The following PACRG variants were observed in gnomAD, a reference collection of about 807,000 sequenced individuals.
The protein encoded by PACRG is parkin coregulated gene protein.
PACRG carries 29 observed loss-of-function variants against 29.7 expected under a neutral mutation model. The observed-to-expected ratio is 0.98, with a 90% CI of 0.73 to 1.33. PACRG has a LOEUF of 1.33. PACRG is among the 40% of genes most tolerant of loss of function. The probability of loss-of-function intolerance (pLI) is 0.00; values close to 1 mark genes in which losing one functional copy is unlikely to be tolerated. For synonymous variants in PACRG, 116 were observed against 118.7 expected, an observed-to-expected ratio of 0.98 and a Z score of 0.15; for missense variants, 279 against 316.2, an observed-to-expected ratio of 0.88 and a Z score of 0.89.
chr6:162,804,355 A>C (rs1449673929), intron 1 of PACRG, among the ~76,000 whole-genome samples: 3 of 152,190 alleles, frequency 2.0e-5, no homozygotes, highest in African/African-American at 7.2e-5. Flanking sequence ...TTTTTGCTTG[A>C]ATTTAATAAT....
chr6:162,826,333 A>G (rs1788273061), intron 2 of PACRG, among the ~76,000 whole-genome samples: 1 of 152,100 alleles, frequency 6.6e-6, no homozygotes, highest in Non-Finnish European at 1.5e-5. Context: ...TTTTGTGCCA[A>G]CCCACAACTC....
chr6:163,206,505 A>G (rs1296386515), intron 4 of PACRG, among the ~76,000 whole-genome samples: 1 of 152,084 alleles, frequency 6.6e-6, no homozygotes, highest in Non-Finnish European at 1.5e-5. Context: ...AAACAAGAAC[A>G]CATAGACACA....
intron 4 of PACRG, among the ~76,000 whole-genome samples, chr6:163,261,774 A>G (rs1192872787): frequency 6.6e-6 from 1 of 152,226 alleles, no homozygotes; most frequent in Non-Finnish European, 1.5e-5. Flanking sequence ...ACAACTATTT[A>G]CATAGCCTTA....
intron 1 of PACRG, among the ~76,000 whole-genome samples, chr6:162,785,202 G>GA (rs1491346817): frequency 1.3e-3 from 195 of 146,500 alleles, no homozygotes; most frequent in African/African-American, 4.8e-3. Flanking sequence ...GAGAGAGAGA[G>GA]GGAGAGAAAG....
intron 1 of PACRG, among the ~76,000 whole-genome samples, chr6:162,802,285 A>G: frequency 6.6e-6 from 1 of 152,186 alleles, no homozygotes; most frequent in East Asian, 1.9e-4. Flanking sequence ...GATATAGGTA[A>G]AAGTCTAATT....
intron 2 of PACRG, among the ~76,000 whole-genome samples, chr6:162,880,447 A>G (rs1037022207): frequency 3.9e-5 from 6 of 152,214 alleles, no homozygotes; most frequent in Non-Finnish European, 1.5e-5. Flanking sequence ...CAAAGGAACA[A>G]CAACAACAAA....
intron 2 of PACRG, among the ~76,000 whole-genome samples, chr6:162,855,824 T>A (rs1469732879): frequency 6.6e-6 from 1 of 152,178 alleles, no homozygotes; most frequent in East Asian, 1.9e-4. Flanking sequence ...CAGTGGACAC[T>A]GGGTGGGAGA....
Position 162,980,540 on chromosome 6 carries a change from T to C in PACRG, c.292-81610T>C, listed in dbSNP as rs1170173696. 7.9e-5 allele frequency among the ~76,000 whole-genome samples: 12 copies of C among 152,170 alleles called. No individual in the cohort carries two copies. In the South Asian group the frequency reaches 1.0e-3, roughly 13 times the overall value. ...CTCTTGTTTTTGGCATTTGTTGGCTTTTTTGCTTAGAATTTCCAAGTATGT... is the reference window on the plus strand; with the variant it reads ...CTCTTGTTTTTGGCATTTGTTGGCTCTTTTGCTTAGAATTTCCAAGTATGT... On this transcript the variant is annotated intron_variant, in intron 2 of 4. Transcript: ENST00000366888.
At chr6:163,213,580 G>A (rs766991594) in intron 4 of PACRG, among the ~76,000 whole-genome samples, 15 of 152,064 alleles carry the variant, frequency 9.9e-5, no homozygotes, top group Non-Finnish European at 1.5e-4. Flanking sequence ...GATAAATGAA[G>A]TTTAGTATCT....
At chr6:162,771,932 C>T (rs1783252567) in intron 1 of PACRG, among the ~76,000 whole-genome samples, 1 of 152,100 alleles carries the variant, frequency 6.6e-6, no homozygotes, top group Non-Finnish European at 1.5e-5. Flanking sequence ...CAAATGACTA[C>T]ATTTCCAAGC....
intron 4 of PACRG, among the ~76,000 whole-genome samples, chr6:163,257,469 A>G (rs748783461): frequency 1.1e-4 from 17 of 152,222 alleles, no homozygotes; most frequent in Non-Finnish European, 1.9e-4. Flanking sequence ...AGGAGCCGTT[A>G]TTCAGAAGGT....
intron 4 of PACRG, among the ~76,000 whole-genome samples, chr6:163,156,025 C>T (rs945255653): frequency 2.0e-5 from 3 of 152,208 alleles, no homozygotes; most frequent in Admixed American, 6.5e-5. Flanking sequence ...CGAGACAGGC[C>T]GAGGGGCCCT....
At chr6:163,091,487 T>C (rs192637869) in intron 4 of PACRG, among the ~76,000 whole-genome samples, 1 of 152,366 alleles carries the variant, frequency 6.6e-6, no homozygotes, top group East Asian at 1.9e-4. Context: ...GGAGTCTTTC[T>C]AAATGCATGC....
intron 4 of PACRG, among the ~76,000 whole-genome samples, chr6:163,147,740 C>T (rs1038638430): frequency 2.0e-5 from 3 of 152,116 alleles, no homozygotes; most frequent in East Asian, 1.9e-4. Flanking sequence ...GAGTTTTGTT[C>T]GCCTAGACCT....
At chr6:163,197,772 A>G (rs769626356) in intron 4 of PACRG, among the ~76,000 whole-genome samples, 11 of 152,066 alleles carry the variant, frequency 7.2e-5, no homozygotes, top group Non-Finnish European at 1.3e-4. Context: ...CTTATGTTAA[A>G]TGTTCTCTCT....
At chr6:163,225,948 GC>G (rs1299866995) in intron 4 of PACRG, among the ~76,000 whole-genome samples, 1 of 152,162 alleles carries the variant, frequency 6.6e-6, no homozygotes. Flanking sequence ...AGAGGCTGAG[GC>G]AGGAGGATCA....
At chr6:163,270,156 AT>A (rs1783770505) in intron 4 of PACRG, among the ~76,000 whole-genome samples, 1 of 152,122 alleles carries the variant, frequency 6.6e-6, no homozygotes, top group Non-Finnish European at 1.5e-5. Context: ...ACAGAAATAA[AT>A]CCAAGAATAA....
At chr6:163,193,953 C>T (rs911552435) in intron 4 of PACRG, among the ~76,000 whole-genome samples, 76 of 149,626 alleles carry the variant, frequency 5.1e-4, no homozygotes, top group Middle Eastern at 3.2e-3. Flanking sequence ...AGTGCAGTGC[C>T]GCGATCTCGG....
chr6:162,998,508 T>C lies in PACRG; in HGVS notation c.292-63642T>C, dbSNP rs1473784462. 2.6e-5 allele frequency among the ~76,000 whole-genome samples: 4 copies of C among 152,374 alleles called. 1 individual carries two copies. Among genetic ancestry groups the C allele is most frequent in the Admixed American group, 2.6e-4 (4 of 15,308 alleles). On this transcript the variant is annotated intron_variant, in intron 2 of 4. Coordinates refer to ENST00000366888, the MANE Select transcript of PACRG (RefSeq NM_001080379.2). ...ACAAAAATTTTAAGAGAGAAGTTGC[T>C]TGTAAACTACTCAGTATGTCATGTT...
Sources: gnomAD v4.1 joint callset for allele counts (sites outside exome capture counted in the v4.1 genomes callset) on GRCh38, gnomAD v4.1.1 for gene constraint, MANE v1.5 for transcripts, NCBI Gene and HGNC (gene_info 2026-07-23, HGNC 2026-07-21) for gene names.